The following ZRANB3 variants were observed in gnomAD, a reference collection of about 807,000 sequenced individuals.
The protein encoded by ZRANB3 is zinc finger RANBP2-type containing 3.
A neutral mutation model predicts 133.8 loss-of-function variants in ZRANB3; 125 were observed. The ratio of observed to expected loss-of-function variants is 0.93; its 90% CI spans 0.81 to 1.08. The LOEUF (loss-of-function observed/expected upper bound fraction) is 1.08. Among genes scored for constraint, ZRANB3 ranks in the 50% least tolerant of loss-of-function variants. The probability of loss-of-function intolerance (pLI) is 0.00; values close to 1 mark genes in which losing one functional copy is unlikely to be tolerated. For synonymous variants in ZRANB3, 387 were observed against 432.7 expected (o/e 0.89, Z 1.31); for missense variants, 1,229 against 1,275.5 (o/e 0.96, Z 0.56).
In ZRANB3 at chr2:135,348,132, G is replaced by A. The variant is rs138037179; in HGVS notation, c.591+1852C>T. Reference sequence around the variant, plus strand: ...AAATGTGCCGGGTGTGGTGGCATGCGCCTGCAATCCCAGCTACTCGGGAGG... The same window carrying A: ...AAATGTGCCGGGTGTGGTGGCATGCACCTGCAATCCCAGCTACTCGGGAGG... On this transcript the variant is annotated intron_variant, in intron 5 of 20. Transcript: ENST00000264159. Among the ~76,000 whole-genome samples, 864 of 151,916 alleles carry A rather than the reference G, an allele frequency of 5.7e-3. 7 individuals carry two copies. The highest frequency in any genetic ancestry group is 0.02 in the African/African-American group (814 of 41,436).
chr2:135,313,297 G>A (rs1683091605), intron 8 of ZRANB3, among the ~76,000 whole-genome samples, 192 bp downstream of exon 8: 1 of 149,174 alleles, frequency 6.7e-6, no homozygotes, highest in African/African-American at 2.5e-5. Flanking sequence ...AGGCTGCAGT[G>A]AGCCGAGATC....
chr2:135,363,929 T>G (rs1433808602), intron 3 of ZRANB3, among the ~76,000 whole-genome samples: 1 of 152,070 alleles, frequency 6.6e-6, no homozygotes, highest in East Asian at 1.9e-4. Context: ...ATACAAAAAT[T>G]TGCTGATGTG....
At chr2:135,343,723 A>T (rs1439720309) in intron 6 of ZRANB3, among the ~76,000 whole-genome samples, 1 of 150,222 alleles carries the variant, frequency 6.7e-6, no homozygotes, top group Non-Finnish European at 1.5e-5. Context: ...AGAAGGGCAA[A>T]CAGCACACAT....
intron 2 of ZRANB3, among the ~76,000 whole-genome samples, chr2:135,470,666 G>A (rs2104779687): frequency 6.6e-6 from 1 of 152,064 alleles, no homozygotes; most frequent in South Asian, 2.1e-4. Flanking sequence ...CAGTCTGGGT[G>A]ACAGATTGAG....
chr2:135,226,774 G>C (rs1694775768), intron 14 of ZRANB3, among the ~76,000 whole-genome samples: 3 of 152,080 alleles, frequency 2.0e-5, no homozygotes, highest in Non-Finnish European at 4.4e-5. Flanking sequence ...CCCATTACCA[G>C]AGTTTCATCA....
intron 2 of ZRANB3, among the ~76,000 whole-genome samples, chr2:135,443,824 G>A (rs942783345): frequency 9.2e-5 from 14 of 152,142 alleles, no homozygotes; most frequent in Admixed American, 5.9e-4. Flanking sequence ...GTAATATCCT[G>A]TATTGGATTA....
At chr2:135,398,134 C>A (rs1246933519) in intron 2 of ZRANB3, among the ~76,000 whole-genome samples, 1 of 152,010 alleles carries the variant, frequency 6.6e-6, no homozygotes, top group Non-Finnish European at 1.5e-5. Flanking sequence ...GGCGCCATCT[C>A]CGCTCACTGC....
At chr2:135,439,241 T>C (rs1689677410) in intron 2 of ZRANB3, among the ~76,000 whole-genome samples, 1 of 152,208 alleles carries the variant, frequency 6.6e-6, no homozygotes, top group African/African-American at 2.4e-5. Flanking sequence ...TATGCACTAA[T>C]AAATGTCAAC....
chr2:135,426,894 A>G (rs1238151430), intron 2 of ZRANB3, among the ~76,000 whole-genome samples: 1 of 102,410 alleles, frequency 9.8e-6, no homozygotes, highest in Non-Finnish European at 2.0e-5. Flanking sequence ...ATATATATAT[A>G]TATATATATA....
At chr2:135,309,646 G>A (rs1682877465) in intron 8 of ZRANB3, among the ~76,000 whole-genome samples, 1 of 151,968 alleles carries the variant, frequency 6.6e-6, no homozygotes, top group Non-Finnish European at 1.5e-5. Context: ...AGCATAAAAG[G>A]ACACAAAATA....
At chr2:135,364,846 C>T (rs1198286161) in intron 3 of ZRANB3, among the ~76,000 whole-genome samples, 3 of 150,488 alleles carry the variant, frequency 2.0e-5, no homozygotes, top group Non-Finnish European at 3.0e-5. Context: ...GTCAGGAGTT[C>T]GAGACCAGCC....
intron 3 of ZRANB3, among the ~76,000 whole-genome samples, chr2:135,380,680 T>G (rs1014742845): frequency 6.6e-6 from 1 of 152,048 alleles, no homozygotes; most frequent in Non-Finnish European, 1.5e-5. Context: ...AGAGGGAAAT[T>G]TATAGTACTA....
intron 1 of ZRANB3, among the ~76,000 whole-genome samples, chr2:135,520,413 CTTT>C (rs75698016): frequency 1.6e-4 from 22 of 133,826 alleles, no homozygotes; most frequent in African/African-American, 1.9e-4. Flanking sequence ...AAAAGGATTT[CTTT>C]TTTTTTTTTT....
intron 1 of ZRANB3, among the ~76,000 whole-genome samples, chr2:135,514,122 G>A (rs190231316): frequency 1.3e-3 from 194 of 152,190 alleles, no homozygotes; most frequent in African/African-American, 4.3e-3. Context: ...TTGGCTATAC[G>A]GGCTCTTTTT....
chr2:135,413,681 A>T (rs959247745), intron 2 of ZRANB3, among the ~76,000 whole-genome samples: 1 of 152,148 alleles, frequency 6.6e-6, no homozygotes, highest in Non-Finnish European at 1.5e-5. Context: ...CTTTTACAGA[A>T]ATGCAACAGA....
chr2:135,300,716 C>T (rs1458072067), intron 8 of ZRANB3, among the ~76,000 whole-genome samples: 2 of 152,106 alleles, frequency 1.3e-5, no homozygotes, highest in Non-Finnish European at 2.9e-5. Context: ...TGAATTATTC[C>T]TTTCCCAGTT....
chr2:135,529,632 TG>T (rs1382125826), intron 1 of ZRANB3, among the ~76,000 whole-genome samples: 2 of 152,188 alleles, frequency 1.3e-5, no homozygotes, highest in Admixed American at 1.3e-4. Flanking sequence ...CCCGTGTAGC[TG>T]GGACTACAGA....
intron 2 of ZRANB3, among the ~76,000 whole-genome samples, chr2:135,483,684 GTTCTT>G (rs1691952186): frequency 6.6e-6 from 1 of 152,006 alleles, no homozygotes; most frequent in African/African-American, 2.4e-5. Context: ...TGCTTTTCTA[GTTCTT>G]TTAATTGTGA....
In ZRANB3 at chr2:135,478,384, A is replaced by AC. The variant is rs552269501; in HGVS notation, c.161+25944dup. On this transcript the variant is annotated intron_variant, in intron 2 of 20. Coordinates refer to ENST00000264159, the MANE Select transcript of ZRANB3 (RefSeq NM_032143.4). ...GTTAAAGAAACAGAATATTATCAGC[A>AC]CCCCCCCGAAGCCTCTCTTGTGGCC... 3.2e-3 allele frequency among the ~76,000 whole-genome samples: 483 copies of AC among 151,148 alleles called. 5 individuals carry two copies. The highest frequency in any genetic ancestry group is 6.9e-3 in the South Asian group (33 of 4,776).
Sources: allele counts gnomAD v4.1 joint callset (sites outside exome capture counted in the v4.1 genomes callset), GRCh38; gene constraint gnomAD v4.1.1; transcripts MANE v1.5; gene names NCBI Gene and HGNC (gene_info 2026-07-23, HGNC 2026-07-21).